The following CUX2 variants were observed in gnomAD, a reference collection of about 807,000 sequenced individuals.
CUX2 encodes the protein cut like homeobox 2.
In CUX2, 40 loss-of-function variants were observed where a neutral mutation model predicts 144.8. The ratio of observed to expected loss-of-function variants is 0.28; its 90% CI spans 0.21 to 0.36. The LOEUF (loss-of-function observed/expected upper bound fraction) is 0.36, where lower values mean the gene tolerates loss of function less well. CUX2 is among the 10% of genes least tolerant of loss of function. The pLI, the probability that CUX2 is intolerant of heterozygous loss-of-function variation, is 1.00. For synonymous variants in CUX2, 827 were observed against 875.6 expected (o/e 0.94, Z 0.98); for missense variants, 1,615 against 1,994.0 (o/e 0.81, Z 3.62).
At chr12:111,234,325 G>A (rs1483144139) in intron 3 of CUX2, among the ~76,000 whole-genome samples, 1 of 152,150 alleles carries the variant, frequency 6.6e-6, no homozygotes, top group East Asian at 1.9e-4. Context: ...CAGGAGCAAG[G>A]AGGGACTGTT....
rs943607925 is a variant in CUX2 at position 111,035,906 on chromosome 12, C to T, written c.63+1666C>T. Among the ~76,000 whole-genome samples, 11 of 152,042 alleles carry T rather than the reference C, an allele frequency of 7.2e-5. No individual in the cohort carries two copies. The highest frequency in any genetic ancestry group is 2.7e-4 in the African/African-American group (11 of 41,376). The stretch of plus-strand genomic sequence containing the variant: ...CAGGGCTGCGAGCTGTGCCTGCCGG[C>T]TTAAATGATGCTAAAGTGGCCTTTC... On this transcript the variant is annotated intron_variant, in intron 1 of 21. Transcript: ENST00000261726. This position sits in a 1 kb window ranked among gnomAD's most constrained non-coding sequence, Gnocchi z 6.0.
intron 3 of CUX2, among the ~76,000 whole-genome samples, chr12:111,238,072 AC>A (rs139179896): frequency 6.6e-6 from 1 of 152,188 alleles, no homozygotes; most frequent in Non-Finnish European, 1.5e-5. Flanking sequence ...CTGACCTAAC[AC>A]CTACGTGTCT....
chr12:111,115,149 T>C (rs1334114823), intron 1 of CUX2, among the ~76,000 whole-genome samples: 1 of 152,160 alleles, frequency 6.6e-6, no homozygotes. Context: ...GGATATTCTG[T>C]GTCCTTTTAA....
chr12:111,121,485 T>C (rs961261137), intron 1 of CUX2, among the ~76,000 whole-genome samples: 4 of 143,180 alleles, frequency 2.8e-5, no homozygotes, highest in African/African-American at 1.0e-4. Context: ...CATGCGATTC[T>C]CATGCCTCAG....
intron 1 of CUX2, among the ~76,000 whole-genome samples, chr12:111,073,798 A>G (rs1871369130): frequency 6.6e-6 from 1 of 152,006 alleles, no homozygotes; most frequent in African/African-American, 2.4e-5. Context: ...TGTCTCTATG[A>G]GAAAATTTAA....
intron 1 of CUX2, among the ~76,000 whole-genome samples, chr12:111,134,010 C>G (rs1165808798): frequency 6.6e-6 from 1 of 152,188 alleles, no homozygotes; most frequent in Non-Finnish European, 1.5e-5. Context: ...AGGAGTTCAA[C>G]TTGCATTGTA....
At chr12:111,313,920 C>T (rs1478520478) in intron 16 of CUX2, among the ~76,000 whole-genome samples, 2 of 152,134 alleles carry the variant, frequency 1.3e-5, no homozygotes, top group African/African-American at 2.4e-5. Context: ...GTTTCAAAGC[C>T]CTCTTCCATT....
At chr12:111,038,253 A>C (rs1869556019) in intron 1 of CUX2, among the ~76,000 whole-genome samples, 1 of 152,266 alleles carries the variant, frequency 6.6e-6, no homozygotes, top group African/African-American at 2.4e-5. Context: ...AGCCTCTGAC[A>C]GCTTGACTTA....
At chr12:111,070,024 A>T (rs1410762117) in intron 1 of CUX2, among the ~76,000 whole-genome samples, 2 of 152,026 alleles carry the variant, frequency 1.3e-5, no homozygotes, top group Non-Finnish European at 2.9e-5. Flanking sequence ...TGCATGGGGG[A>T]TGCCGGCCTG....
At chr12:111,065,494 C>A (rs1295033005) in intron 1 of CUX2, among the ~76,000 whole-genome samples, 1 of 152,276 alleles carries the variant, frequency 6.6e-6, no homozygotes, top group African/African-American at 2.4e-5. Context: ...CATCACCATG[C>A]CTGGCTAGTT....
intron 1 of CUX2, among the ~76,000 whole-genome samples, chr12:111,069,989 C>T (rs1027968726): frequency 2.6e-5 from 4 of 152,150 alleles, no homozygotes; most frequent in African/African-American, 7.2e-5. Flanking sequence ...GGGCCCAGCT[C>T]CTGTGATGAG....
intron 1 of CUX2, among the ~76,000 whole-genome samples, chr12:111,192,409 C>T (rs946403429): frequency 1.3e-5 from 2 of 152,166 alleles, no homozygotes; most frequent in South Asian, 2.1e-4. Flanking sequence ...GGATTACAGG[C>T]GTCAGCCACT....
At chr12:111,132,268 G>A (rs897393895) in intron 1 of CUX2, among the ~76,000 whole-genome samples, 7 of 152,284 alleles carry the variant, frequency 4.6e-5, no homozygotes, top group Admixed American at 4.6e-4. Context: ...GAGCAGCTGG[G>A]ACACAGGGCA....
intron 4 of CUX2, among the ~76,000 whole-genome samples, chr12:111,285,021 T>A (rs1885305722): frequency 6.6e-6 from 1 of 152,140 alleles, no homozygotes; most frequent in South Asian, 2.1e-4. Flanking sequence ...CCCCCAAACC[T>A]GTGACGACGT....
In CUX2 at chr12:111,057,924, GC is replaced by G. The variant is rs1385992602; in HGVS notation, c.63+23687del. Reference sequence around the variant, plus strand: ...ACTGAACGCGCTAACTCCGTTAGCAGCCCTGGAAGCATGTAATTTGGCCCCT... The same window carrying G: ...ACTGAACGCGCTAACTCCGTTAGCAGCCTGGAAGCATGTAATTTGGCCCCT... On this transcript the variant is annotated intron_variant, in intron 1 of 21. Transcript: ENST00000261726. This position sits in a 1 kb window ranked among gnomAD's most constrained non-coding sequence, Gnocchi z 5.1. Among the ~76,000 whole-genome samples the G allele has an allele frequency of 6.6e-6, 1 of 152,156 alleles. No individual in the cohort carries two copies. Among genetic ancestry groups the G allele is most frequent in the Non-Finnish European group, 1.5e-5 (1 of 68,024 alleles).
At chr12:111,056,037 C>T (rs1870509680) in intron 1 of CUX2, among the ~76,000 whole-genome samples, 1 of 152,174 alleles carries the variant, frequency 6.6e-6, no homozygotes, top group African/African-American at 2.4e-5. Flanking sequence ...TTTGCTATGC[C>T]CCTGGAGACC....
At chr12:111,053,814 T>A (rs1395618841) in intron 1 of CUX2, among the ~76,000 whole-genome samples, 3 of 152,190 alleles carry the variant, frequency 2.0e-5, no homozygotes, top group Non-Finnish European at 4.4e-5. Flanking sequence ...CTTGGCATGG[T>A]GATTGGTAAA....
In CUX2 at chr12:111,289,899, C is replaced by T. The variant is rs1257417006; in HGVS notation, c.302-1519C>T. On this transcript the variant is annotated intron_variant, in intron 4 of 21. Coordinates refer to ENST00000261726, the MANE Select transcript of CUX2 (RefSeq NM_015267.4). This position sits in a 1 kb window ranked among gnomAD's most constrained non-coding sequence, Gnocchi z 4.1. ...GAGAGGTGGGGCAGCTGCCTGGGAG[C>T]ATCTAGACCCCCACATAGCCTACAG... Among the ~76,000 whole-genome samples the T allele has an allele frequency of 6.6e-6, 1 of 152,116 alleles. No homozygotes were observed. The highest frequency in any genetic ancestry group is 1.5e-5 in the Non-Finnish European group (1 of 68,030).
intron 4 of CUX2, among the ~76,000 whole-genome samples, chr12:111,280,408 G>C (rs1885069650): frequency 6.6e-6 from 1 of 152,154 alleles, no homozygotes; most frequent in Non-Finnish European, 1.5e-5. Flanking sequence ...ACCAGAAGCT[G>C]GGGGAAAGGC....
Sources: gnomAD v4.1 joint callset for allele counts (sites outside exome capture counted in the v4.1 genomes callset) on GRCh38, gnomAD v4.1.1 for gene constraint, Gnocchi (gnomAD v3.1) non-coding constraint, MANE v1.5 for transcripts, NCBI Gene and HGNC (gene_info 2026-07-23, HGNC 2026-07-21) for gene names.